The following TSHZ2 variants were observed in gnomAD, a reference collection of about 807,000 sequenced individuals.
The protein encoded by TSHZ2 is teashirt homolog 2.
A neutral mutation model predicts 74.4 loss-of-function variants in TSHZ2; 21 were observed. That is an observed-to-expected ratio of 0.28 (90% confidence interval 0.20 to 0.41). The LOEUF is 0.41. Ranked by LOEUF, TSHZ2 falls within the 10% of genes least tolerant of loss-of-function variation. The probability of loss-of-function intolerance (pLI) is 1.00; values close to 1 mark genes in which losing one functional copy is unlikely to be tolerated. For missense variants in TSHZ2, 1,244 were observed against 1,293.5 expected (o/e 0.96, Z 0.59); for synonymous variants, 540 against 515.3 (o/e 1.05, Z -0.65).
chr20:53,179,922 G>A (rs147078950), intron 1 of TSHZ2, among the ~76,000 whole-genome samples: 1 of 152,150 alleles, frequency 6.6e-6, no homozygotes, highest in Non-Finnish European at 1.5e-5. Flanking sequence ...CTTTAAAAAA[G>A]ATGGAGTTAC....
In TSHZ2 at chr20:53,425,172, A is replaced by G. The variant is rs546831489; in HGVS notation, c.*9-61972A>G. ...TTCCAAAATGGACCACCCTCTTTCT[A>G]TCCCTGCATGTGAGTTCTCACTTCT... On this transcript the variant is annotated intron_variant, in intron 2 of 2. Transcript: ENST00000371497. Among the ~76,000 whole-genome samples, 22 of 152,304 alleles carry G rather than the reference A, an allele frequency of 1.4e-4. No individual in the cohort carries two copies. In the South Asian group the frequency reaches 3.5e-3, roughly 24 times the overall value.
At chr20:53,102,168 A>C (rs1303710505) in intron 1 of TSHZ2, among the ~76,000 whole-genome samples, 1 of 152,144 alleles carries the variant, frequency 6.6e-6, no homozygotes, top group East Asian at 1.9e-4. Context: ...CCTGTATTGG[A>C]TAAATAATGG....
intron 1 of TSHZ2, among the ~76,000 whole-genome samples, chr20:53,187,578 T>C (rs56280818): frequency 0.11 from 16,655 of 152,028 alleles, 1,055 homozygotes; most frequent in Admixed American, 0.2. Context: ...AGCCGGGTGG[T>C]CCCAGCAGAA....
At chr20:53,270,084 G>A (rs1306419529) in intron 2 of TSHZ2, among the ~76,000 whole-genome samples, 5 of 152,180 alleles carry the variant, frequency 3.3e-5, no homozygotes, top group African/African-American at 1.2e-4. Flanking sequence ...AAATGCACCT[G>A]TAGAGGGTAT....
At chr20:53,384,905 G>A (rs1026747737) in intron 2 of TSHZ2, among the ~76,000 whole-genome samples, 5 of 152,142 alleles carry the variant, frequency 3.3e-5, no homozygotes, top group African/African-American at 4.8e-5. Flanking sequence ...GGTGGGTCAC[G>A]AGGTCAGGAG....
chr20:53,074,919 T>C lies in TSHZ2; in HGVS notation c.40+101586T>C, dbSNP rs1454775711. Among the ~76,000 whole-genome samples the C allele has an allele frequency of 6.6e-6, 1 of 152,222 alleles. No homozygotes were observed. Among genetic ancestry groups the C allele is most frequent in the African/African-American group, 2.4e-5 (1 of 41,450 alleles). The stretch of plus-strand genomic sequence containing the variant: ...AAGAACCCCAACCCTCCCAAGGTAT[T>C]TGACCTTGCAGGTCAGTGTTTTTCC... On this transcript the variant is annotated intron_variant, in intron 1 of 2. Transcript: ENST00000371497. This position sits in a 1 kb window ranked among gnomAD's most constrained non-coding sequence, Gnocchi z 5.9.
chr20:53,174,206 GT>G (rs2123491925), intron 1 of TSHZ2, among the ~76,000 whole-genome samples: 1 of 152,318 alleles, frequency 6.6e-6, no homozygotes, highest in African/African-American at 2.4e-5. Context: ...GGATAGGGTT[GT>G]GCGCCCAGCC....
intron 1 of TSHZ2, among the ~76,000 whole-genome samples, chr20:53,220,045 A>C (rs1016305608): frequency 6.6e-5 from 10 of 152,208 alleles, no homozygotes; most frequent in Non-Finnish European, 1.5e-4. Flanking sequence ...TGACTGTGAG[A>C]TAAGACAAGA....
At chr20:53,108,165 A>G (rs1246214288) in intron 1 of TSHZ2, among the ~76,000 whole-genome samples, 2 of 152,130 alleles carry the variant, frequency 1.3e-5, no homozygotes, top group African/African-American at 4.8e-5. Context: ...ACTCATGTTT[A>G]CTCTTACTCC....
At chr20:53,305,629 A>G (rs952462993) in intron 2 of TSHZ2, among the ~76,000 whole-genome samples, 1 of 152,146 alleles carries the variant, frequency 6.6e-6, no homozygotes, top group Non-Finnish European at 1.5e-5. Context: ...CTCACCTTGA[A>G]CATGCTTATT....
At chr20:53,245,724 C>G (rs955843721) in intron 1 of TSHZ2, among the ~76,000 whole-genome samples, 2 of 152,202 alleles carry the variant, frequency 1.3e-5, no homozygotes, top group African/African-American at 4.8e-5. Flanking sequence ...ATCAACCCTA[C>G]TTGAATAGTA....
chr20:53,000,962 TCA>T (rs1982385855), intron 1 of TSHZ2, among the ~76,000 whole-genome samples: 1 of 152,110 alleles, frequency 6.6e-6, no homozygotes, highest in Non-Finnish European at 1.5e-5. Context: ...TGAGCAAACC[TCA>T]GATGGATTCA....
At chr20:53,183,050 G>A (rs1988519560) in intron 1 of TSHZ2, among the ~76,000 whole-genome samples, 1 of 152,162 alleles carries the variant, frequency 6.6e-6, no homozygotes, top group Non-Finnish European at 1.5e-5. Context: ...AAGCAATGAG[G>A]TTGAGACTCA....
intron 2 of TSHZ2, among the ~76,000 whole-genome samples, chr20:53,278,317 T>G (rs900552720): frequency 6.6e-6 from 1 of 152,242 alleles, no homozygotes; most frequent in Non-Finnish European, 1.5e-5. Flanking sequence ...ACTCTTCTCA[T>G]GATGTCTCAG....
intron 2 of TSHZ2, among the ~76,000 whole-genome samples, chr20:53,321,091 A>C (rs950319584): frequency 6.6e-6 from 1 of 152,228 alleles, no homozygotes. Flanking sequence ...TTTGTGGAGC[A>C]ACCACAATAC....
chr20:53,298,751 G>A (rs1485941333), intron 2 of TSHZ2, among the ~76,000 whole-genome samples: 3 of 152,170 alleles, frequency 2.0e-5, no homozygotes, highest in African/African-American at 7.2e-5. Flanking sequence ...ACTGAGTGAG[G>A]AAAACAATAG....
At chr20:53,460,719 G>A (rs941550571) in intron 2 of TSHZ2, among the ~76,000 whole-genome samples, 1 of 152,160 alleles carries the variant, frequency 6.6e-6, no homozygotes, top group African/African-American at 2.4e-5. Context: ...TGTACAGATG[G>A]GTTTTTGGTG....
intron 1 of TSHZ2, among the ~76,000 whole-genome samples, chr20:53,103,768 G>A (rs6068458): frequency 1.3e-5 from 2 of 152,230 alleles, no homozygotes; most frequent in East Asian, 3.9e-4. Flanking sequence ...TGGCCTTTCA[G>A]GTGCAGATTT....
intron 1 of TSHZ2, among the ~76,000 whole-genome samples, chr20:53,162,597 G>A (rs1987969666): frequency 6.6e-6 from 1 of 152,186 alleles, no homozygotes; most frequent in African/African-American, 2.4e-5. Flanking sequence ...GTCAGCCCAG[G>A]ACGTGACTGC....
Sources: gnomAD v4.1 joint callset for allele counts (sites outside exome capture counted in the v4.1 genomes callset) on GRCh38, gnomAD v4.1.1 for gene constraint, Gnocchi (gnomAD v3.1) non-coding constraint, MANE v1.5 for transcripts, NCBI Gene and HGNC (gene_info 2026-07-23, HGNC 2026-07-21) for gene names.